FXR1: variants seen among roughly 807,000 people sequenced by gnomAD.
FXR1 encodes the protein FMR1 autosomal homolog 1.
FXR1 carries 15 observed loss-of-function variants against 84.0 expected under a neutral mutation model. That is an observed-to-expected ratio of 0.18 (90% confidence interval 0.12 to 0.27). The LOEUF (loss-of-function observed/expected upper bound fraction) is 0.27. Ranked by LOEUF, FXR1 falls within the 10% of genes least tolerant of loss-of-function variation. The pLI is 1.00. For missense variants in FXR1, 480 were observed against 774.4 expected (o/e 0.62, Z 4.51); for synonymous variants, 245 against 250.7 (o/e 0.98, Z 0.21).
At chr3:180,943,304 T>G (rs1161121183) in intron 3 of FXR1, among the ~76,000 whole-genome samples, 6 of 134,560 alleles carry the variant, frequency 4.5e-5, no homozygotes, top group African/African-American at 1.7e-4. Context: ...AGAAGGAGTC[T>G]TGCTCTGTCA....
rs765306754 is a variant in FXR1 at position 180,949,256 on chromosome 3, A to G, written c.543A>G (p.Val181=). 13 of 1,598,510 alleles carry G rather than the reference A, an allele frequency of 8.1e-6. No individual in the cohort carries two copies. In the South Asian group the frequency reaches 1.1e-4, roughly 14 times the overall value. Residue 181 remains valine, a synonymous_variant, in exon 7 of 17, where the codon GTA becomes GTG. Coordinates refer to ENST00000357559, the MANE Select transcript of FXR1 (RefSeq NM_005087.4). ...LSASEATVKR[V]NILSDMHLRS... ...CCAGTGAAGCAACTGTGAAGAGAGT[A>G]AACATCTTAAGTGACATGCATTTGC...
Position 180,940,983 on chromosome 3 carries a change from T to C in FXR1, c.198+5752T>C, listed in dbSNP as rs115843680. Among the ~76,000 whole-genome samples, 1,298 of 152,306 alleles carry C rather than the reference T, an allele frequency of 8.5e-3. 24 individuals are homozygous for C. Among genetic ancestry groups the C allele is most frequent in the African/African-American group, 0.03 (1,237 of 41,568 alleles). On this transcript the variant is annotated intron_variant, in intron 3 of 16. Transcript: ENST00000357559. ...TCTGGTTTAGTATTCATAGTTAAAA[T>C]AGGAATTGGCAAGTTTTTGTTCTTG...
chr3:180,945,983 T>C (rs1721655607), intron 3 of FXR1, among the ~76,000 whole-genome samples: 1 of 152,258 alleles, frequency 6.6e-6, no homozygotes, highest in Non-Finnish European at 1.5e-5. Flanking sequence ...TCTGAGGTTT[T>C]GCTTTGTAAG....
At chr3:180,933,294 T>G (rs1454366970) in intron 1 of FXR1, 40 bp from the exon 2 acceptor site, 1 of 1,221,604 alleles carries the variant, frequency 8.2e-7, no homozygotes, top group Non-Finnish European at 1.2e-6. Flanking sequence ...TACGAAGTGC[T>G]TTAATATCTA....
At position 180,976,259 on chromosome 3, in the gene FXR1, T is replaced by C. The variant is rs1714232600; in HGVS notation, c.1833T>C (p.Thr611=). The C allele has an allele frequency of 6.2e-7, 1 of 1,611,260 alleles. No homozygotes were observed. Among genetic ancestry groups the C allele is most frequent in the Admixed American group, 1.7e-5 (1 of 59,706 alleles). ...TTAATACCTTAAAAGAAGAAAACAC[T>C]CAAGAAGCAGCAGTCCTGAATGGTG... ...EKINTLKEEN[T]QEAAVLNGVS is the part of the protein sequence containing the mutation. The change falls in exon 17 of 17, where the codon ACT becomes ACC. Residue 611 remains threonine, a synonymous_variant. Transcript: ENST00000357559.
chr3:180,953,213 TAG>T (rs895025117), intron 8 of FXR1, among the ~76,000 whole-genome samples: 1 of 152,224 alleles, frequency 6.6e-6, no homozygotes, highest in African/African-American at 2.4e-5. Context: ...AAAGTCTGTG[TAG>T]AGACTCACTC....
chr3:180,939,730 T>A (rs564572909), intron 3 of FXR1, among the ~76,000 whole-genome samples: 1 of 152,358 alleles, frequency 6.6e-6, no homozygotes, highest in East Asian at 1.9e-4. Flanking sequence ...CAGTTTCATT[T>A]TTTGTTTTTC....
intron 1 of FXR1, chr3:180,915,754 A>G (rs1717822366): frequency 3.2e-6 from 2 of 619,642 alleles, no homozygotes; most frequent in Admixed American, 2.9e-5. Context: ...TTGAGGCAGT[A>G]CTCTGTAGAC....
intron 9 of FXR1, among the ~76,000 whole-genome samples, chr3:180,954,378 G>A (rs574255669): frequency 6.6e-6 from 1 of 152,126 alleles, no homozygotes. Context: ...ATGAGGGGAG[G>A]TTTCACTGTT....
At chr3:180,913,817 GGCTATTT>G (rs1717542301) in intron 1 of FXR1, among the ~76,000 whole-genome samples, 1 of 152,154 alleles carries the variant, frequency 6.6e-6, no homozygotes, top group African/African-American at 2.4e-5. Context: ...TGAGAGTCTT[GGCTATTT>G]TTATGAAGGG....
intron 1 of FXR1, among the ~76,000 whole-genome samples, chr3:180,918,879 A>T (rs1178299127): frequency 6.6e-6 from 1 of 152,160 alleles, no homozygotes; most frequent in East Asian, 1.9e-4. Flanking sequence ...GAAGTAGATA[A>T]CTCCACTATT....
rs117478781 is a variant in FXR1 at position 180,939,429 on chromosome 3, G to A, written c.198+4198G>A. Among the ~76,000 whole-genome samples, 507 of 152,206 alleles carry A rather than the reference G, an allele frequency of 3.3e-3. 11 individuals are homozygous for A. Among genetic ancestry groups the A allele is most frequent in the East Asian group, 0.026 (134 of 5,172 alleles). Reference sequence around the variant, plus strand: ...ATCATACTTAGAGATGGTCAGGCTCGATTGTTTACTGGTTTATTATAAAGG... The same window carrying A: ...ATCATACTTAGAGATGGTCAGGCTCAATTGTTTACTGGTTTATTATAAAGG... On this transcript the variant is annotated intron_variant, in intron 3 of 16. Coordinates refer to ENST00000357559, the MANE Select transcript of FXR1 (RefSeq NM_005087.4).
At chr3:180,927,533 T>G in intron 1 of FXR1, 1 of 553,756 alleles carries the variant, frequency 1.8e-6, no homozygotes. Context: ...AGGATTTTTT[T>G]TCCACAACGG....
At chr3:180,962,097 C>T (rs1407863351) in intron 11 of FXR1, among the ~76,000 whole-genome samples, 1 of 152,106 alleles carries the variant, frequency 6.6e-6, no homozygotes, top group Non-Finnish European at 1.5e-5. Context: ...AAATATGACC[C>T]ATAAATTATT....
intron 13 of FXR1, among the ~76,000 whole-genome samples, chr3:180,967,795 A>G (rs1425884791): frequency 6.6e-6 from 1 of 152,104 alleles, no homozygotes; most frequent in East Asian, 1.9e-4. Context: ...CTGGTTTTGA[A>G]GAAGTGAGCG....
chr3:180,930,408 A>C (rs1379600316), intron 1 of FXR1, among the ~76,000 whole-genome samples: 2 of 152,220 alleles, frequency 1.3e-5, no homozygotes, highest in Non-Finnish European at 2.9e-5. Context: ...GGTTTTTATT[A>C]CAAAGGAGAG....
intron 10 of FXR1, 34 bp downstream of exon 10, chr3:180,957,962 A>AT (rs1560010658): frequency 2.0e-6 from 2 of 994,428 alleles, no homozygotes; most frequent in Non-Finnish European, 1.5e-6. Flanking sequence ...CCTCTTTAAA[A>AT]TGTCCTTTTT....
chr3:180,960,148 C>T (rs557577285), intron 10 of FXR1, among the ~76,000 whole-genome samples: 9 of 152,172 alleles, frequency 5.9e-5, no homozygotes, highest in Admixed American at 2.0e-4. Flanking sequence ...TTTTCTGCCA[C>T]TTTTTAAAAA....
At chr3:180,933,969 T>C (rs1720236636) in intron 2 of FXR1, among the ~76,000 whole-genome samples, 1 of 143,552 alleles carries the variant, frequency 7.0e-6, no homozygotes, top group African/African-American at 2.7e-5. Flanking sequence ...AAAAATTAGC[T>C]AGTCATGGTG....
Sources: gnomAD v4.1 joint callset for allele counts (sites outside exome capture counted in the v4.1 genomes callset) on GRCh38, gnomAD v4.1.1 for gene constraint, MANE v1.5 for transcripts, NCBI Gene and HGNC (gene_info 2026-07-23, HGNC 2026-07-21) for gene names.